The following DKK3 variants were observed in gnomAD, a reference collection of about 807,000 sequenced individuals.
DKK3 encodes dickkopf Wnt signaling pathway inhibitor 3.
DKK3 carries 22 observed loss-of-function variants against 33.2 expected under a neutral mutation model. The ratio of observed to expected loss-of-function variants is 0.66; its 90% CI spans 0.47 to 0.95. The LOEUF (loss-of-function observed/expected upper bound fraction) is 0.95. Ranked by LOEUF, DKK3 falls within the 40% of genes least tolerant of loss-of-function variation. DKK3 has a pLI of 0.00. For missense variants in DKK3, 398 were observed against 458.4 expected (o/e 0.87, Z 1.20); for synonymous variants, 194 against 188.8 (o/e 1.03, Z -0.23).
chr11:12,009,219 C>A, upstream of DKK3: 1 of 985,194 alleles, frequency 1.0e-6, no homozygotes, highest in Non-Finnish European at 1.2e-6. Flanking sequence ...TCTGCTCGCT[C>A]CCGCCGGGAG....
At chr11:11,989,235 A>G (rs1848137064) in intron 3 of DKK3, among the ~76,000 whole-genome samples, 1 of 152,254 alleles carries the variant, frequency 6.6e-6, no homozygotes, top group South Asian at 2.1e-4. Context: ...TTTGATATGA[A>G]AGAATATCAA....
chr11:11,984,570 C>A (rs943158982), intron 3 of DKK3, among the ~76,000 whole-genome samples: 26 of 151,948 alleles, frequency 1.7e-4, no homozygotes, highest in Admixed American at 2.6e-4. Flanking sequence ...CTGCTGTATG[C>A]CCAAGCTGAA....
At chr11:12,008,906 C>A, upstream of DKK3, 2 of 1,080,822 alleles carry the variant, frequency 1.9e-6, no homozygotes, top group Non-Finnish European at 2.2e-6. The surrounding 1 kb of genome is among the most constrained non-coding windows in gnomAD (Gnocchi z 4.6). Flanking sequence ...CAACCGAACC[C>A]GGATCCTCTA....
At position 11,965,878 on chromosome 11, in the gene DKK3, C is replaced by G; in HGVS notation, c.761G>C (p.Trp254Ser). The G allele has an allele frequency of 6.2e-7, 1 of 1,614,186 alleles. No individual in the cohort carries two copies. ...CAAGGCTCCATCAGGCTCTAGCTCC[C>G]AGGTGATGAGGTCCAGAAGCCGGCT... ...PASRLLDLIT[W>S]ELEPDGALDR... The change falls in exon 6 of 7, where the codon TGG (tryptophan) becomes TCG (serine). Residue 254 changes from tryptophan to serine, a missense_variant. Physicochemically the swap from Trp to Ser is radical, Grantham distance 177. Coordinates refer to ENST00000683431, the MANE Select transcript of DKK3 (RefSeq NM_001018057.2).
intron 3 of DKK3, among the ~76,000 whole-genome samples, chr11:11,978,606 T>C (rs1328039341): frequency 6.6e-6 from 1 of 152,168 alleles, no homozygotes; most frequent in Non-Finnish European, 1.5e-5. Flanking sequence ...CTTGAATTCC[T>C]GGCTTCAAGT....
chr11:11,973,726 A>G (rs559778265), intron 3 of DKK3, among the ~76,000 whole-genome samples: 1 of 152,352 alleles, frequency 6.6e-6, no homozygotes, highest in South Asian at 2.1e-4. Flanking sequence ...GTCAGGCTGG[A>G]AGCAGCCCCG....
intron 3 of DKK3, among the ~76,000 whole-genome samples, chr11:11,976,191 G>A (rs1358118783): frequency 6.6e-6 from 1 of 152,178 alleles, no homozygotes; most frequent in African/African-American, 2.4e-5. Flanking sequence ...TTGAGCCAGT[G>A]CCCTTCCCAT....
chr11:12,008,349 G>C lies in DKK3; in HGVS notation c.213+21C>G. On this transcript the variant is annotated intron_variant, in intron 1 of 6. Coordinates refer to ENST00000683431, the MANE Select transcript of DKK3 (RefSeq NM_001018057.2). The surrounding 1 kb of genome is among the most constrained non-coding windows in gnomAD (Gnocchi z 4.6). The stretch of plus-strand genomic sequence containing the variant: ...CCAGTCTGGCGCTTCTCAGAGCCCC[G>C]CGCCGCCAGGGCGCACCCACCTCTT... The C allele has an allele frequency of 6.3e-7, 1 of 1,595,600 alleles. No individual in the cohort carries two copies. Among genetic ancestry groups the C allele is most frequent in the Middle Eastern group, 1.7e-4 (1 of 5,920 alleles).
At chr11:11,973,802 C>T (rs1847775802) in intron 3 of DKK3, among the ~76,000 whole-genome samples, 1 of 152,184 alleles carries the variant, frequency 6.6e-6, no homozygotes, top group Non-Finnish European at 1.5e-5. Flanking sequence ...TTTGATTTTC[C>T]AGTTTAGAGT....
At chr11:11,972,339 A>C (rs1847741404) in intron 3 of DKK3, among the ~76,000 whole-genome samples, 1 of 152,198 alleles carries the variant, frequency 6.6e-6, no homozygotes, top group Non-Finnish European at 1.5e-5. Context: ...CTAAATCAAC[A>C]GGGCCTTAAG....
intron 3 of DKK3, among the ~76,000 whole-genome samples, chr11:11,971,848 T>C (rs982307064): frequency 1.2e-4 from 18 of 152,212 alleles, no homozygotes; most frequent in Admixed American, 9.8e-4. Flanking sequence ...AATTTTGGCA[T>C]GGAACTTTGC....
intron 2 of DKK3, among the ~76,000 whole-genome samples, chr11:12,000,500 C>A (rs1564924301): frequency 6.7e-6 from 1 of 150,338 alleles, no homozygotes; most frequent in Non-Finnish European, 1.5e-5. Context: ...AGCCACCGTG[C>A]CTGGCCTTTT....
Position 12,008,280 on chromosome 11 carries a change from T to C in DKK3, c.213+90A>G. 6.8e-7 allele frequency: 1 copy of C among 1,462,368 alleles called. No individual in the cohort carries two copies. The highest frequency in any genetic ancestry group is 9.1e-7 in the Non-Finnish European group (1 of 1,102,916). 90.6% of individuals were successfully genotyped at this position (1,462,368 alleles called of 1,614,324 possible). On this transcript the variant is annotated intron_variant, in intron 1 of 6. Coordinates refer to ENST00000683431, the MANE Select transcript of DKK3 (RefSeq NM_001018057.2). The surrounding 1 kb of genome is among the most constrained non-coding windows in gnomAD (Gnocchi z 4.6). ...CCCAGGCCCTGCGCGGGACCCGAGG[T>C]CCCTGGCCAGCGCTCTTCCATGCCT... is the stretch of plus-strand genomic sequence containing the variant.
At chr11:11,976,928 C>T (rs1186327908) in intron 3 of DKK3, among the ~76,000 whole-genome samples, 3 of 152,186 alleles carry the variant, frequency 2.0e-5, no homozygotes, top group Non-Finnish European at 4.4e-5. Flanking sequence ...CTGGATGCTA[C>T]ACTGGAAACT....
chr11:11,991,053 C>T (rs150155740), intron 3 of DKK3, among the ~76,000 whole-genome samples: 38 of 152,366 alleles, frequency 2.5e-4, no homozygotes, highest in African/African-American at 9.1e-4. Context: ...TTCTCCTTGC[C>T]TGCAGGTTCC....
At chr11:11,999,329 G>C (rs139624320) in intron 2 of DKK3, among the ~76,000 whole-genome samples, 1 of 152,162 alleles carries the variant, frequency 6.6e-6, no homozygotes, top group Admixed American at 6.5e-5. Context: ...CCAGGTGCAG[G>C]CATCTCAAAG....
At chr11:12,000,406 C>G (rs1353446775) in intron 2 of DKK3, among the ~76,000 whole-genome samples, 2 of 152,074 alleles carry the variant, frequency 1.3e-5, no homozygotes. Context: ...GGGGTTTCGC[C>G]ATGTTGGCCA....
intron 3 of DKK3, 58 bp downstream of exon 3, chr11:11,998,637 CT>C (rs1157641765): frequency 6.6e-7 from 1 of 1,507,262 alleles, no homozygotes; most frequent in East Asian, 2.3e-5. Context: ...CGTTGGCAAA[CT>C]GAATGAAAAT....
At chr11:11,989,391 G>T (rs1410638593) in intron 3 of DKK3, among the ~76,000 whole-genome samples, 1 of 152,152 alleles carries the variant, frequency 6.6e-6, no homozygotes, top group Non-Finnish European at 1.5e-5. Flanking sequence ...CACAAACCAT[G>T]TATTATCATT....
Sources: gnomAD v4.1 joint callset for allele counts (sites outside exome capture counted in the v4.1 genomes callset) on GRCh38, gnomAD v4.1.1 for gene constraint, Gnocchi (gnomAD v3.1) non-coding constraint, MANE v1.5 for transcripts, NCBI Gene and HGNC (gene_info 2026-07-23, HGNC 2026-07-21) for gene names.